ROBO1: variants seen among roughly 807,000 people sequenced by gnomAD.
The protein encoded by ROBO1 is roundabout homolog 1.
In ROBO1, 149 loss-of-function variants were observed where a neutral mutation model predicts 195.9. The ratio of observed to expected loss-of-function variants is 0.76; its 90% CI spans 0.67 to 0.87. The LOEUF (loss-of-function observed/expected upper bound fraction) is 0.87. Ranked by LOEUF, ROBO1 falls within the 40% of genes least tolerant of loss-of-function variation. The pLI is 0.00. For synonymous variants in ROBO1, 816 were observed against 733.2 expected (o/e 1.11, Z -1.82); for missense variants, 1,933 against 2,068.3 (o/e 0.93, Z 1.27).
chr3:79,659,911 C>T (rs1235883461), intron 1 of ROBO1, among the ~76,000 whole-genome samples: 1 of 151,994 alleles, frequency 6.6e-6, no homozygotes, highest in Non-Finnish European at 1.5e-5. Flanking sequence ...AGGGCTGCTG[C>T]CAAAGACACA....
chr3:79,697,779 A>G lies in ROBO1; in HGVS notation c.-51+69973T>C, dbSNP rs1213847480. On this transcript the variant is annotated intron_variant, in intron 1 of 30. Coordinates refer to ENST00000464233, the MANE Select transcript of ROBO1 (RefSeq NM_002941.4). ...AAAATACTACTTAGTAATAAGCATA[A>G]TAAGTTAGCATTTTGTTGATTAATT... Among the ~76,000 whole-genome samples, 3 of 151,576 alleles carry G rather than the reference A, an allele frequency of 2.0e-5. No homozygotes were observed. The East Asian group carries it at 5.8e-4, about 29-fold the overall frequency.
intron 4 of ROBO1, among the ~76,000 whole-genome samples, chr3:78,799,608 T>C (rs1241317138): frequency 6.6e-6 from 1 of 152,164 alleles, no homozygotes; most frequent in Admixed American, 6.5e-5. Context: ...CCCAAAGTGC[T>C]GGGATTACAG....
intron 4 of ROBO1, among the ~76,000 whole-genome samples, chr3:78,804,177 T>C (rs1309229885): frequency 2.0e-5 from 3 of 152,198 alleles, no homozygotes; most frequent in African/African-American, 4.8e-5. Context: ...AATAATTGCA[T>C]TCAGATTTGG....
At chr3:79,210,991 TATAA>T in intron 2 of ROBO1, among the ~76,000 whole-genome samples, 1 of 152,114 alleles carries the variant, frequency 6.6e-6, no homozygotes, top group South Asian at 2.1e-4. Flanking sequence ...AAAATAGGCA[TATAA>T]TATTAATACA....
chr3:78,931,240 T>C (rs1167011389), intron 4 of ROBO1, among the ~76,000 whole-genome samples: 45 of 123,982 alleles, frequency 3.6e-4, no homozygotes, highest in East Asian at 1.1e-3. Context: ...TTCTTTCTTT[T>C]TTTTTTTTTT....
intron 1 of ROBO1, among the ~76,000 whole-genome samples, chr3:79,661,225 T>C (rs928582672): frequency 6.6e-6 from 1 of 152,108 alleles, no homozygotes; most frequent in Non-Finnish European, 1.5e-5. Flanking sequence ...TGGTAGATCA[T>C]GCACATTCTT....
At chr3:79,632,062 G>C (rs1287647340) in intron 1 of ROBO1, among the ~76,000 whole-genome samples, 1 of 152,044 alleles carries the variant, frequency 6.6e-6, no homozygotes, top group Non-Finnish European at 1.5e-5. Context: ...TCTATGGAAA[G>C]TCATATGAAG....
rs184902034 is a variant in ROBO1 at position 79,535,132 on chromosome 3, C to T, written c.88+54692G>A. ...AGAAACAGTTACAGAAGAATTATCC[C>T]GAGTCTTCAATTCTGATTCAAAAGA... On this transcript the variant is annotated intron_variant, in intron 2 of 30. Coordinates refer to ENST00000464233, the MANE Select transcript of ROBO1 (RefSeq NM_002941.4). 2.4e-3 allele frequency among the ~76,000 whole-genome samples: 359 copies of T among 152,174 alleles called. 2 individuals carry two copies. Among genetic ancestry groups the T allele is most frequent in the African/African-American group, 8.2e-3 (340 of 41,528 alleles).
At chr3:78,815,342 A>G (rs1321183060) in intron 4 of ROBO1, among the ~76,000 whole-genome samples, 3 of 152,148 alleles carry the variant, frequency 2.0e-5, no homozygotes, top group Non-Finnish European at 4.4e-5. Flanking sequence ...ATACAAAGGA[A>G]AAGTACTTGA....
chr3:78,612,526 G>T (rs1703880145), intron 28 of ROBO1, among the ~76,000 whole-genome samples: 1 of 152,164 alleles, frequency 6.6e-6, no homozygotes. Context: ...CTGCCATCCA[G>T]CGTGTCTGCA....
chr3:79,560,037 T>C (rs1451730501), intron 2 of ROBO1, among the ~76,000 whole-genome samples: 2 of 152,140 alleles, frequency 1.3e-5, no homozygotes, highest in African/African-American at 4.8e-5. Flanking sequence ...AAGGATACTA[T>C]TGTCTTCAGC....
chr3:78,745,298 C>A (rs1246551888), intron 5 of ROBO1, among the ~76,000 whole-genome samples: 6 of 135,866 alleles, frequency 4.4e-5, no homozygotes, highest in African/African-American at 1.8e-4. Context: ...CAGAGCAAGA[C>A]TCCATTTCAA....
chr3:78,870,321 T>C (rs2107134796), intron 4 of ROBO1, among the ~76,000 whole-genome samples: 1 of 152,208 alleles, frequency 6.6e-6, no homozygotes, highest in Middle Eastern at 3.4e-3. Flanking sequence ...GATATTAGGG[T>C]TTGTTCTGAT....
At chr3:78,710,213 G>T (rs1273122844) in intron 8 of ROBO1, among the ~76,000 whole-genome samples, 1 of 152,074 alleles carries the variant, frequency 6.6e-6, no homozygotes, top group East Asian at 1.9e-4. Flanking sequence ...GGGACTACAG[G>T]TGCACACCAA....
chr3:78,823,055 CT>C (rs2031170758), intron 4 of ROBO1, among the ~76,000 whole-genome samples: 1 of 152,128 alleles, frequency 6.6e-6, no homozygotes, highest in African/African-American at 2.4e-5. Context: ...ACAATTCAGT[CT>C]TTTTATTCTA....
At chr3:78,932,720 C>G (rs964419169) in intron 4 of ROBO1, among the ~76,000 whole-genome samples, 3 of 152,018 alleles carry the variant, frequency 2.0e-5, no homozygotes, top group Non-Finnish European at 4.4e-5. Context: ...CTTATAGGAT[C>G]GTTCTGTACA....
intron 1 of ROBO1, among the ~76,000 whole-genome samples, chr3:79,765,651 T>C (rs1007228161): frequency 2.0e-5 from 3 of 152,196 alleles, no homozygotes; most frequent in African/African-American, 7.2e-5. Flanking sequence ...TTTCAACTTT[T>C]TTTTGTAATT....
chr3:79,642,737 A>T (rs1380435935), intron 1 of ROBO1, among the ~76,000 whole-genome samples: 1 of 152,194 alleles, frequency 6.6e-6, no homozygotes, highest in Non-Finnish European at 1.5e-5. Flanking sequence ...CACTGCCACT[A>T]TACCTGCATT....
chr3:78,954,606 C>T (rs1279300471), intron 3 of ROBO1, among the ~76,000 whole-genome samples: 1 of 151,990 alleles, frequency 6.6e-6, no homozygotes, highest in Non-Finnish European at 1.5e-5. Context: ...TCATGAAAAA[C>T]AGCATTTGGG....
Sources: gnomAD v4.1 joint callset for allele counts (sites outside exome capture counted in the v4.1 genomes callset) on GRCh38, gnomAD v4.1.1 for gene constraint, MANE v1.5 for transcripts, NCBI Gene and HGNC (gene_info 2026-07-23, HGNC 2026-07-21) for gene names.